CCSER2: variants seen among roughly 807,000 people sequenced by gnomAD.
CCSER2 encodes serine-rich coiled-coil domain-containing protein 2.
A neutral mutation model predicts 92.3 loss-of-function variants in CCSER2; 46 were observed. The observed-to-expected ratio is 0.50, with a 90% CI of 0.39 to 0.64. The LOEUF (loss-of-function observed/expected upper bound fraction) is 0.64. CCSER2 is among the 30% of genes least tolerant of loss of function. The pLI, the probability that CCSER2 is intolerant of heterozygous loss-of-function variation, is 0.00. For missense variants in CCSER2, 1,244 were observed against 1,238.9 expected (o/e 1.00, Z -0.06); for synonymous variants, 433 against 431.4 (o/e 1.00, Z -0.04).
intron 1 of CCSER2, among the ~76,000 whole-genome samples, chr10:84,341,032 TAACA>T (rs932157306): frequency 1.4e-5 from 2 of 146,024 alleles, no homozygotes; most frequent in African/African-American, 5.2e-5. Context: ...CCACTCAATG[TAACA>T]CTTTTTTTTT....
At chr10:84,372,490 G>GT (rs977768306) in intron 2 of CCSER2, 21 bp downstream of exon 2, 2 of 1,379,028 alleles carry the variant, frequency 1.5e-6, no homozygotes, top group Non-Finnish European at 2.0e-6. Flanking sequence ...CTTACCTTAA[G>GT]TTTTTTTGCT....
At chr10:84,357,796 C>G (rs1350583656) in intron 1 of CCSER2, among the ~76,000 whole-genome samples, 5 of 152,122 alleles carry the variant, frequency 3.3e-5, no homozygotes, top group African/African-American at 7.2e-5. Flanking sequence ...GCCATTAGCT[C>G]TAGGAGTGCA....
intron 4 of CCSER2, among the ~76,000 whole-genome samples, chr10:84,424,002 A>AAAG (rs1454898089): frequency 8.0e-5 from 12 of 150,812 alleles, no homozygotes; most frequent in Admixed American, 2.6e-4. Context: ...AAAAAAAAAA[A>AAAG]AAGACTCTCC....
intron 3 of CCSER2, among the ~76,000 whole-genome samples, chr10:84,399,962 A>G (rs1842034538): frequency 6.6e-6 from 1 of 151,132 alleles, no homozygotes; most frequent in Non-Finnish European, 1.5e-5. Context: ...GTGGTATTTT[A>G]TTGTGGTTTT....
At chr10:84,372,732 A>G (rs1846132892) in intron 2 of CCSER2, among the ~76,000 whole-genome samples, 1 of 152,130 alleles carries the variant, frequency 6.6e-6, no homozygotes, top group Admixed American at 6.6e-5. Context: ...ATTCCTGCTT[A>G]GTATATGCAG....
intron 8 of CCSER2, among the ~76,000 whole-genome samples, chr10:84,475,886 G>A (rs1287779441): frequency 6.6e-6 from 1 of 151,394 alleles, no homozygotes; most frequent in Non-Finnish European, 1.5e-5. Context: ...AGGATGGAGT[G>A]CGGTGGTGCA....
At chr10:84,424,728 A>T (rs577590969) in intron 4 of CCSER2, among the ~76,000 whole-genome samples, 2 of 152,240 alleles carry the variant, frequency 1.3e-5, no homozygotes, top group South Asian at 2.1e-4. Flanking sequence ...AATTCTGAAC[A>T]TGCAGGACTT....
At chr10:84,385,338 A>T (rs970058614) in intron 3 of CCSER2, among the ~76,000 whole-genome samples, 1 of 152,180 alleles carries the variant, frequency 6.6e-6, no homozygotes, top group African/African-American at 2.4e-5. Context: ...GAGGCATCAC[A>T]TTACCTGACT....
Position 84,517,358 on chromosome 10 carries a change from CTG to C in CCSER2, c.*3093_*3094del, listed in dbSNP as rs959789739. ...GGATTATAGAGTTATGTCATTTAGA[CTG>C]TTTCTAATAACTGAGACCATCTAAC... On this transcript the variant is annotated 3_prime_UTR_variant, in exon 10 of 10. Transcript: ENST00000372088. 1 of 152,606 alleles carries C rather than the reference CTG, an allele frequency of 6.6e-6. No homozygotes were observed. The highest frequency in any genetic ancestry group is 6.5e-5 in the Admixed American group (1 of 15,278). The allele number at this position is 152,606 out of a possible 1,614,324, so 9.5% of individuals were successfully genotyped here.
rs777631892 is a variant in CCSER2 at position 84,513,498 on chromosome 10, C to T, written c.2375C>T (p.Thr792Ile). The change falls in exon 10 of 10, where the codon ACC becomes ATC. Residue 792 changes from threonine to isoleucine, a missense_variant. Thr to Ile is a moderately conservative substitution (Grantham distance 89). Coordinates refer to ENST00000372088, the MANE Select transcript of CCSER2 (RefSeq NM_001284240.2). ...AGCCTTCCCAGACCCACAGATCACA[C>T]CCAGGGAAAACTAATAAAGCCACAA... The part of the protein sequence containing the change: ...SSSLPRPTDH[T>I]QGKLIKPQRI... The T allele has an allele frequency of 6.2e-7, 1 of 1,614,022 alleles. No homozygotes were observed. The highest frequency in any genetic ancestry group is 1.1e-5 in the South Asian group (1 of 91,058).
At chr10:84,512,211 TC>T (rs1244768060) in intron 9 of CCSER2, among the ~76,000 whole-genome samples, 3 of 152,130 alleles carry the variant, frequency 2.0e-5, no homozygotes, top group Middle Eastern at 3.2e-3. Flanking sequence ...TATAAATAGA[TC>T]CGCCCCTTCT....
At chr10:84,508,973 A>G (rs1389495328) in intron 9 of CCSER2, among the ~76,000 whole-genome samples, 2 of 152,198 alleles carry the variant, frequency 1.3e-5, no homozygotes, top group African/African-American at 2.4e-5. Context: ...GCTTGTTAAG[A>G]TACTTTCCCC....
chr10:84,378,432 AT>A lies in CCSER2; in HGVS notation c.1614+4636del, dbSNP rs386371982. ...TTTTAAAATTATTTTTTAAAATTAA[AT>A]TTTTTTTTTTTTTTTTTTGAGACGA... On this transcript the variant is annotated intron_variant, in intron 3 of 9. Transcript: ENST00000372088. Among the ~76,000 whole-genome samples, 802 of 135,924 alleles carry A rather than the reference AT, an allele frequency of 5.9e-3. 2 individuals are homozygous for A. The highest frequency in any genetic ancestry group is 0.033 in the East Asian group (158 of 4,726). The allele number at this position is 135,924 out of a possible 152,430, so 89.2% of individuals were successfully genotyped here.
At chr10:84,429,074 G>T (rs1208952958) in intron 5 of CCSER2, among the ~76,000 whole-genome samples, 1 of 149,952 alleles carries the variant, frequency 6.7e-6, no homozygotes, top group Non-Finnish European at 1.5e-5. Flanking sequence ...AGATATCCTT[G>T]TCTTGTTTTG....
At chr10:84,427,680 C>G (rs1843511951) in intron 5 of CCSER2, among the ~76,000 whole-genome samples, 1 of 152,130 alleles carries the variant, frequency 6.6e-6, no homozygotes, top group Non-Finnish European at 1.5e-5. Flanking sequence ...TTTTACCTGG[C>G]CTAATCTTCC....
At chr10:84,503,649 C>T (rs979288626) in intron 9 of CCSER2, among the ~76,000 whole-genome samples, 9 of 152,156 alleles carry the variant, frequency 5.9e-5, no homozygotes, top group South Asian at 2.1e-4. Context: ...AAGTATGTTT[C>T]GAAATAATAC....
chr10:84,428,212 C>T (rs1400968676), intron 5 of CCSER2, among the ~76,000 whole-genome samples: 1 of 152,180 alleles, frequency 6.6e-6, no homozygotes, highest in African/African-American at 2.4e-5. Context: ...AAATTTTCCA[C>T]AGGCCATGGG....
chr10:84,463,057 C>T (rs1052830680), intron 6 of CCSER2, among the ~76,000 whole-genome samples: 4 of 152,170 alleles, frequency 2.6e-5, no homozygotes, highest in Non-Finnish European at 5.9e-5. Context: ...CAGTTATATT[C>T]TTCACTGGTT....
At chr10:84,483,995 A>ATATATATATATATATATATG (rs1564711747) in intron 9 of CCSER2, among the ~76,000 whole-genome samples, 3 of 72,334 alleles carry the variant, frequency 4.1e-5, no homozygotes, top group Admixed American at 1.5e-4. Flanking sequence ...ATATATATAT[A>ATATATATATATATATATATG]TAATTTTTTT....
Sources: gnomAD v4.1 joint callset for allele counts (sites outside exome capture counted in the v4.1 genomes callset) on GRCh38, gnomAD v4.1.1 for gene constraint, MANE v1.5 for transcripts, NCBI Gene and HGNC (gene_info 2026-07-23, HGNC 2026-07-21) for gene names.